The following TLK1 variants were observed in gnomAD, a reference collection of about 807,000 sequenced individuals.
TLK1 encodes serine/threonine-protein kinase tousled-like 1.
TLK1 carries 24 observed loss-of-function variants against 105.3 expected under a neutral mutation model. The observed-to-expected ratio is 0.23, with a 90% CI of 0.17 to 0.32. The LOEUF (loss-of-function observed/expected upper bound fraction) is 0.32, where lower values mean the gene tolerates loss of function less well. Among genes scored for constraint, TLK1 ranks in the 10% least tolerant of loss-of-function variants. The probability of loss-of-function intolerance (pLI) is 1.00; values close to 1 mark genes in which losing one functional copy is unlikely to be tolerated. For missense variants in TLK1, 558 were observed against 910.5 expected (o/e 0.61, Z 4.98); for synonymous variants, 321 against 310.4 (o/e 1.03, Z -0.36).
intron 1 of TLK1, among the ~76,000 whole-genome samples, chr2:171,125,994 AG>A: frequency 6.6e-6 from 1 of 152,326 alleles, no homozygotes; most frequent in South Asian, 2.1e-4. Context: ...CTGGAAAAAA[AG>A]TAAATTCACT....
intron 2 of TLK1, among the ~76,000 whole-genome samples, chr2:171,095,370 A>G (rs1377886114): frequency 6.6e-6 from 1 of 152,190 alleles, no homozygotes; most frequent in Non-Finnish European, 1.5e-5. Flanking sequence ...ACAAATCTTT[A>G]GCAAGTCCTA....
chr2:171,127,384 A>T (rs1690915570), intron 1 of TLK1, among the ~76,000 whole-genome samples: 1 of 152,174 alleles, frequency 6.6e-6, no homozygotes. Flanking sequence ...TGGTTAATAA[A>T]TAGAACATAC....
intron 1 of TLK1, among the ~76,000 whole-genome samples, chr2:171,125,275 G>A: frequency 6.6e-6 from 1 of 152,150 alleles, no homozygotes; most frequent in East Asian, 1.9e-4. Context: ...GTTGGACATA[G>A]TGTAGTATAT....
At position 171,000,613 on chromosome 2, in the gene TLK1, T is replaced by A. The variant is rs145938569; in HGVS notation, c.1905-2790A>T. Among the ~76,000 whole-genome samples the A allele has an allele frequency of 3.2e-3, 492 of 152,188 alleles. 2 individuals carry two copies. Among genetic ancestry groups the A allele is most frequent in the African/African-American group, 0.011 (468 of 41,506 alleles). ...AGTTTTCATCCTTGTCATCTTTAGGTTGAGTAGACTGAGGAGGGGTTAGTT... is the reference window on the plus strand; with the variant it reads ...AGTTTTCATCCTTGTCATCTTTAGGATGAGTAGACTGAGGAGGGGTTAGTT... On this transcript the variant is annotated intron_variant, in intron 18 of 20. Coordinates refer to ENST00000431350, the MANE Select transcript of TLK1 (RefSeq NM_012290.5).
chr2:171,151,317 C>A (rs146765056), intron 1 of TLK1, among the ~76,000 whole-genome samples: 18 of 151,984 alleles, frequency 1.2e-4, no homozygotes, highest in African/African-American at 4.3e-4. Context: ...CTGTGCCTGG[C>A]CCTTGGATAC....
intron 1 of TLK1, among the ~76,000 whole-genome samples, chr2:171,207,425 G>A (rs1203874430): frequency 6.6e-6 from 1 of 152,132 alleles, no homozygotes; most frequent in Non-Finnish European, 1.5e-5. Flanking sequence ...GAATTTTTAG[G>A]GCAGTATAAC....
intron 11 of TLK1, among the ~76,000 whole-genome samples, chr2:171,033,713 T>C (rs1387056966): frequency 6.7e-6 from 1 of 149,952 alleles, no homozygotes; most frequent in South Asian, 2.2e-4. Flanking sequence ...TTGCGGTTTT[T>C]GCCACTGAAA....
intron 2 of TLK1, among the ~76,000 whole-genome samples, chr2:171,101,667 A>C (rs1689699982): frequency 6.6e-6 from 1 of 152,224 alleles, no homozygotes; most frequent in Non-Finnish European, 1.5e-5. Context: ...CTAAAAGTTC[A>C]CATTAGTGGA....
At chr2:171,023,435 A>ACC (rs1685624235) in intron 12 of TLK1, among the ~76,000 whole-genome samples, 1 of 152,018 alleles carries the variant, frequency 6.6e-6, no homozygotes. Flanking sequence ...ACACACACAC[A>ACC]CACCAAAACA....
chr2:171,064,486 G>C (rs866248632), intron 3 of TLK1, among the ~76,000 whole-genome samples: 1 of 152,154 alleles, frequency 6.6e-6, no homozygotes, highest in Admixed American at 6.5e-5. Flanking sequence ...GGTATATAAT[G>C]TGCACATATT....
At chr2:171,108,890 C>A (rs1690047034) in intron 2 of TLK1, among the ~76,000 whole-genome samples, 1 of 152,152 alleles carries the variant, frequency 6.6e-6, no homozygotes, top group Non-Finnish European at 1.5e-5. Context: ...GCCACTACTC[C>A]CAGCCCCAAG....
chr2:171,046,511 C>A, intron 10 of TLK1, 149 bp from the exon 11 acceptor site: 3 of 823,838 alleles, frequency 3.6e-6, no homozygotes, highest in Non-Finnish European at 3.5e-6. Flanking sequence ...TTGTACTTAT[C>A]CTTCAGGTCT....
chr2:171,188,411 A>G (rs1693077310), intron 1 of TLK1, among the ~76,000 whole-genome samples: 1 of 151,856 alleles, frequency 6.6e-6, no homozygotes, highest in Non-Finnish European at 1.5e-5. Context: ...CTCTACTAAA[A>G]ACACAAAAAT....
At chr2:171,096,304 A>T (rs1253251967) in intron 2 of TLK1, among the ~76,000 whole-genome samples, 2 of 152,200 alleles carry the variant, frequency 1.3e-5, no homozygotes, top group Non-Finnish European at 2.9e-5. Flanking sequence ...GTTCAAGACC[A>T]GCCTGATCAA....
rs1479411580 is a variant in TLK1 at position 170,992,717 on chromosome 2, C to CAA, written c.*1062_*1063insTT. The CAA allele has an allele frequency of 6.6e-6, 1 of 152,558 alleles. No individual in the cohort carries two copies. The highest frequency in any genetic ancestry group is 1.5e-5 in the Non-Finnish European group (1 of 67,998). 9.5% of individuals were successfully genotyped at this position (152,558 alleles called of 1,614,324 possible). A position where few individuals can be genotyped will look rare whatever the true frequency, so the allele number is the denominator to read the frequency against. ...ATATCTATGATGTACAGTCAACTTGCACCTTCTAGGTCATTTAATTTTTTA... is the reference window on the plus strand; with the variant it reads ...ATATCTATGATGTACAGTCAACTTGCAAACCTTCTAGGTCATTTAATTTTTTA... On this transcript the variant is annotated 3_prime_UTR_variant, in exon 21 of 21. Transcript: ENST00000431350.
chr2:171,003,266 TC>T (rs1684478478), intron 18 of TLK1, among the ~76,000 whole-genome samples: 1 of 82,254 alleles, frequency 1.2e-5, no homozygotes, highest in Non-Finnish European at 2.0e-5. Context: ...AGAGCAAGAC[TC>T]CGTCTCAAAA....
At chr2:171,086,561 G>A (rs1325110057) in intron 2 of TLK1, among the ~76,000 whole-genome samples, 2 of 151,678 alleles carry the variant, frequency 1.3e-5, no homozygotes, top group Admixed American at 1.3e-4. Flanking sequence ...GGGAGACAGA[G>A]GTTAAAGTGA....
At chr2:171,073,881 C>CTCCG (rs1553473040) in intron 3 of TLK1, among the ~76,000 whole-genome samples, 1 of 129,050 alleles carries the variant, frequency 7.7e-6, no homozygotes, top group East Asian at 2.6e-4. Context: ...TTCCCCCCCC[C>CTCCG]CCTCCTTTTT....
At position 171,160,508 on chromosome 2, in the gene TLK1, C is replaced by A; in HGVS notation, c.-80G>T. ...GCACCGGCACCCGCCTCCGTCATGG[C>A]GGGGGCCGCGCTGAGGGCGAGCGAG... On this transcript the variant is annotated 5_prime_UTR_variant, in exon 1 of 21. Transcript: ENST00000431350. The surrounding 1 kb of genome is among the most constrained non-coding windows in gnomAD (Gnocchi z 4.4). 1 of 1,452,514 alleles carries A rather than the reference C, an allele frequency of 6.9e-7. No homozygotes were observed. Among genetic ancestry groups the A allele is most frequent in the Non-Finnish European group, 9.1e-7 (1 of 1,093,490 alleles). 90.0% of individuals were successfully genotyped at this position (1,452,514 alleles called of 1,614,324 possible). A position where few individuals can be genotyped will look rare whatever the true frequency, so the allele number is the denominator to read the frequency against.
Sources: gnomAD v4.1 joint callset for allele counts (sites outside exome capture counted in the v4.1 genomes callset) on GRCh38, gnomAD v4.1.1 for gene constraint, Gnocchi (gnomAD v3.1) non-coding constraint, MANE v1.5 for transcripts, NCBI Gene and HGNC (gene_info 2026-07-23, HGNC 2026-07-21) for gene names.